The following MGAM variants were observed in gnomAD, a reference collection of about 807,000 sequenced individuals.
MGAM encodes maltase-glucoamylase, also known as alpha-1,4-glucosidase.
Under a neutral mutation model 358.8 loss-of-function variants are expected in MGAM, and 253 were observed. The ratio of observed to expected loss-of-function variants is 0.71; its 90% CI spans 0.64 to 0.78. The LOEUF is 0.78. MGAM is among the 30% of genes least tolerant of loss of function. MGAM has a pLI of 0.00. For missense variants in MGAM, 3,080 were observed against 3,432.6 expected, an observed-to-expected ratio of 0.90 and a Z score of 2.57; for synonymous variants, 1,105 against 1,227.1, an observed-to-expected ratio of 0.90 and a Z score of 2.08.
At chr7:142,064,863 C>A (rs550230964) in intron 37 of MGAM, among the ~76,000 whole-genome samples, 1 of 151,968 alleles carries the variant, frequency 6.6e-6, no homozygotes, top group African/African-American at 2.4e-5. Context: ...GAGGACTGGG[C>A]ATCTCTCCCG....
intron 2 of MGAM, among the ~76,000 whole-genome samples, chr7:141,990,145 A>G (rs1374650405): frequency 6.6e-6 from 1 of 152,220 alleles, no homozygotes; most frequent in Non-Finnish European, 1.5e-5. Context: ...GCACACCTAT[A>G]AAACAGAGCA....
rs988870951 is a variant in MGAM at position 142,070,748 on chromosome 7, T to C, written c.5062-246T>C. On this transcript the variant is annotated intron_variant, in intron 43 of 70. Coordinates refer to ENST00000475668, the MANE Select transcript of MGAM (RefSeq NM_001365693.1). ...GTGAGAGTGTAGCAGTTCTTCCTGT[T>C]ACACATCAGGCAAATGTAGTTTGTA... 1.2e-4 allele frequency among the ~76,000 whole-genome samples: 18 copies of C among 146,424 alleles called. 2 individuals are homozygous for C. In the South Asian group the frequency reaches 2.2e-3, roughly 18 times the overall value.
chr7:142,087,512 G>C (rs1814871532), intron 57 of MGAM, among the ~76,000 whole-genome samples: 1 of 146,252 alleles, frequency 6.8e-6, no homozygotes, highest in Admixed American at 6.9e-5. Context: ...CCACAGGCAG[G>C]ATTCTTAGTG....
At chr7:142,025,170 A>G (rs1412595427) in intron 8 of MGAM, 21 bp downstream of exon 8, 1 of 1,540,398 alleles carries the variant, frequency 6.5e-7, no homozygotes, top group Non-Finnish European at 9.0e-7. Flanking sequence ...ATTCATGGAA[A>G]AAACAAGCAC....
intron 30 of MGAM, 61 bp downstream of exon 30, chr7:142,057,003 C>A: frequency 6.7e-7 from 1 of 1,486,722 alleles, no homozygotes; most frequent in Non-Finnish European, 9.3e-7. Context: ...TGCCAGAGTC[C>A]ACATTGATTA....
At chr7:142,052,544 C>A in intron 25 of MGAM, 98 bp downstream of exon 25, 1 of 1,488,566 alleles carries the variant, frequency 6.7e-7, no homozygotes, top group South Asian at 1.3e-5. Flanking sequence ...ACTTAAAATC[C>A]ATAGAAAGAA....
chr7:142,036,944 G>T lies in MGAM; in HGVS notation c.2198G>T (p.Arg733Leu). 6.2e-7 allele frequency: 1 copy of T among 1,613,568 alleles called. No individual in the cohort carries two copies. The change falls in exon 18 of 71, where the codon CGA becomes CTA. Residue 733 changes from arginine (R) to leucine (L), a missense_variant. Coordinates refer to ENST00000475668, the MANE Select transcript of MGAM (RefSeq NM_001365693.1). The stretch of plus-strand genomic sequence containing the variant: ...ACCCTCTTCTTCCGTGCTCACAGCC[G>T]AGGGGACACGGTGGCCAGGCCCCTT... ...LYTLFFRAHS[R>L]GDTVARPLLH...
intron 38 of MGAM, 42 bp from the exon 39 acceptor site, chr7:142,065,546 T>A (rs1490054893): frequency 6.2e-7 from 1 of 1,613,898 alleles, no homozygotes; most frequent in Non-Finnish European, 8.5e-7. Flanking sequence ...AGGAGGCAGA[T>A]CATGAGAGCC....
intron 57 of MGAM, among the ~76,000 whole-genome samples, chr7:142,090,880 G>T (rs68144811): frequency 6.9e-6 from 1 of 145,380 alleles, no homozygotes; most frequent in African/African-American, 2.4e-5. Flanking sequence ...GCTAAGCATT[G>T]TGCAAAATAT....
chr7:142,003,561 A>G (rs1804906638), intron 1 of MGAM, among the ~76,000 whole-genome samples: 1 of 152,122 alleles, frequency 6.6e-6, no homozygotes, highest in Non-Finnish European at 1.5e-5. Context: ...AGATGGATTT[A>G]AGGCTTAAAT....
At chr7:141,990,491 A>C (rs577891176) in intron 2 of MGAM, among the ~76,000 whole-genome samples, 1 of 152,234 alleles carries the variant, frequency 6.6e-6, no homozygotes, top group East Asian at 1.9e-4. Context: ...GCAGTTTCTT[A>C]CCTGCAGTGG....
chr7:142,044,635 CGT>C lies in MGAM; in HGVS notation c.2499-3147_2499-3146del, dbSNP rs1264530513. Among the ~76,000 whole-genome samples the C allele has an allele frequency of 4.9e-5, 4 of 81,710 alleles. No individual in the cohort carries two copies. In the South Asian group the frequency reaches 1.5e-3, roughly 32 times the overall value. 53.6% of individuals were successfully genotyped at this position (81,710 alleles called of 152,430 possible). ...TGATATATAATGTATATTATATACA[CGT>C]GTAATATATGATATATAATGTATAT... On this transcript the variant is annotated intron_variant, in intron 21 of 70. Coordinates refer to ENST00000475668, the MANE Select transcript of MGAM (RefSeq NM_001365693.1).
At chr7:142,067,964 AAAT>A (rs1812960543) in intron 42 of MGAM, among the ~76,000 whole-genome samples, 3 of 31,102 alleles carry the variant, frequency 9.6e-5, no homozygotes, top group African/African-American at 3.0e-4. Context: ...ATATATATAT[AAAT>A]ATATATATAT....
In MGAM at chr7:142,030,389, A is replaced by G; in HGVS notation, c.1249A>G (p.Met417Val). The change falls in exon 11 of 71, where the codon ATG (methionine) becomes GTG (valine). Residue 417 changes from methionine to valine, a missense_variant. Coordinates refer to ENST00000475668, the MANE Select transcript of MGAM (RefSeq NM_001365693.1). ...YDVQHADIDY[M>V]DERRDFTYDS... ...TGTTCAGCATGCTGATATTGATTATATGGATGAGAGAAGGGACTTCACTTA... is the reference window on the plus strand; with the variant it reads ...TGTTCAGCATGCTGATATTGATTATGTGGATGAGAGAAGGGACTTCACTTA... 6.2e-7 allele frequency: 1 copy of G among 1,613,410 alleles called. No homozygotes were observed. The highest frequency in any genetic ancestry group is 1.1e-5 in the South Asian group (1 of 91,040).
At position 142,076,196 on chromosome 7, in the gene MGAM, C is replaced by T; in HGVS notation, c.5276-7C>T. The T allele has an allele frequency of 1.3e-6, 2 of 1,543,276 alleles. No individual in the cohort carries two copies. Among genetic ancestry groups the T allele is most frequent in the South Asian group, 1.1e-5 (1 of 88,986 alleles). ...CGGAGTCTGACTTGTCTTTCTGTCA[C>T]TTTCAGATACTGTGGCCAAGAAAGT... On this transcript the variant is annotated splice_region_variant and splice_polypyrimidine_tract_variant and intron_variant, in intron 45 of 70. Coordinates refer to ENST00000475668, the MANE Select transcript of MGAM (RefSeq NM_001365693.1).
rs373622603 is a variant in MGAM at position 142,063,587 on chromosome 7, G to A, written c.4345+1G>A. On this transcript the variant is annotated splice_donor_variant, in intron 36 of 70. Coordinates refer to ENST00000475668, the MANE Select transcript of MGAM (RefSeq NM_001365693.1). LOFTEE classifies it high-confidence loss of function. ...CTGAACCACCCTCCCTACATGCCAC[G>A]TAAGAAGCCTTGGCCTCCTTGACTG... 8.1e-5 allele frequency: 130 copies of A among 1,612,890 alleles called. No individual in the cohort carries two copies. The highest frequency in any genetic ancestry group is 2.7e-4 in the Admixed American group (16 of 59,878).
At chr7:142,083,161 C>A in intron 52 of MGAM, 140 bp from the exon 53 acceptor site, 1 of 663,582 alleles carries the variant, frequency 1.5e-6, no homozygotes, top group Non-Finnish European at 2.5e-6. Context: ...TTCTTCAGTT[C>A]TATGTGATTA....
At chr7:141,993,310 A>G (rs782571310), upstream of MGAM, among the ~76,000 whole-genome samples, 14 of 152,282 alleles carry the variant, frequency 9.2e-5, no homozygotes, top group Non-Finnish European at 1.5e-4. Context: ...AAATTGTCCA[A>G]TATATCACAG....
rs1813821328 is a variant in MGAM at position 142,077,212 on chromosome 7, G to A, written c.5493+386G>A. On this transcript the variant is annotated intron_variant, in intron 47 of 70. Coordinates refer to ENST00000475668, the MANE Select transcript of MGAM (RefSeq NM_001365693.1). ...AAATAAGAATTGGTATTTGAAAAAGGCCAGCTTGGATAGGAAACTTGTGGT... is the reference window on the plus strand; with the variant it reads ...AAATAAGAATTGGTATTTGAAAAAGACCAGCTTGGATAGGAAACTTGTGGT... Among the ~76,000 whole-genome samples the A allele has an allele frequency of 1.4e-5, 2 of 145,704 alleles. 1 individual carries two copies. The highest frequency in any genetic ancestry group is 3.1e-5 in the Non-Finnish European group (2 of 64,358).
Sources: allele counts gnomAD v4.1 joint callset (sites outside exome capture counted in the v4.1 genomes callset), GRCh38; gene constraint gnomAD v4.1.1; transcripts MANE v1.5; gene names NCBI Gene and HGNC (gene_info 2026-07-23, HGNC 2026-07-21).